The following PPP2R2C variants were observed in gnomAD, a reference collection of about 807,000 sequenced individuals.
PPP2R2C encodes the protein protein phosphatase 2, regulatory subunit B, gamma.
In PPP2R2C, 10 loss-of-function variants were observed where a neutral mutation model predicts 45.3. The observed-to-expected ratio is 0.22, with a 90% CI of 0.14 to 0.37. PPP2R2C has a LOEUF of 0.37. PPP2R2C is among the 10% of genes least tolerant of loss of function. The pLI, the probability that PPP2R2C is intolerant of heterozygous loss-of-function variation, is 1.00. For missense variants in PPP2R2C, 308 were observed against 619.7 expected, an observed-to-expected ratio of 0.50 and a Z score of 5.34; for synonymous variants, 257 against 245.4, an observed-to-expected ratio of 1.05 and a Z score of -0.44.
chr4:6,463,329 C>A (rs1721426168), intron 1 of PPP2R2C, among the ~76,000 whole-genome samples: 1 of 151,862 alleles, frequency 6.6e-6, no homozygotes, highest in South Asian at 2.1e-4. Context: ...CCAGGTCCAG[C>A]CTCCAGCAGC....
chr4:6,374,397 G>A (rs977921413), intron 4 of PPP2R2C, among the ~76,000 whole-genome samples: 7 of 152,310 alleles, frequency 4.6e-5, no homozygotes, highest in Non-Finnish European at 8.8e-5. Flanking sequence ...GAAGGTTTGG[G>A]GGTTTCATGA....
chr4:6,449,248 C>T (rs1035373491), intron 1 of PPP2R2C, among the ~76,000 whole-genome samples: 1 of 152,212 alleles, frequency 6.6e-6, no homozygotes, highest in Non-Finnish European at 1.5e-5. Context: ...CAAAACTAGA[C>T]ACAACCTGAT....
At chr4:6,353,063 A>G (rs1350927307) in intron 5 of PPP2R2C, among the ~76,000 whole-genome samples, 1 of 152,114 alleles carries the variant, frequency 6.6e-6, no homozygotes, top group Non-Finnish European at 1.5e-5. Flanking sequence ...GAACCTTCAG[A>G]GAGAGCACGG....
chr4:6,430,187 C>T (rs1719540220), intron 1 of PPP2R2C, among the ~76,000 whole-genome samples: 1 of 152,188 alleles, frequency 6.6e-6, no homozygotes. Context: ...TGAAAGCAGC[C>T]AGGACTATGT....
intron 5 of PPP2R2C, among the ~76,000 whole-genome samples, chr4:6,367,711 T>G (rs1443265433): frequency 6.6e-6 from 1 of 152,186 alleles, no homozygotes; most frequent in Non-Finnish European, 1.5e-5. Context: ...AAGTAAGGCT[T>G]CTCTCTGTGG....
At chr4:6,355,171 G>A (rs146679159) in intron 5 of PPP2R2C, among the ~76,000 whole-genome samples, 45 of 152,126 alleles carry the variant, frequency 3.0e-4, no homozygotes, top group African/African-American at 1.0e-3. Context: ...TTCAGTGCCT[G>A]GCACACAGTA....
At chr4:6,436,639 G>A (rs1719911061) in intron 1 of PPP2R2C, among the ~76,000 whole-genome samples, 1 of 152,216 alleles carries the variant, frequency 6.6e-6, no homozygotes, top group Admixed American at 6.5e-5. Flanking sequence ...TGCTCCATAT[G>A]AGTCATTGAC....
rs144177449 is a variant in PPP2R2C at position 6,489,756 on chromosome 4, G to A, written c.49+45515C>T. Among the ~76,000 whole-genome samples the A allele has an allele frequency of 1.7e-4, 26 of 152,252 alleles. 1 individual carries two copies. In the East Asian group the frequency reaches 3.9e-3, roughly 23 times the overall value. On this transcript the variant is annotated intron_variant, in intron 2 of 9. Coordinates refer to the PPP2R2C transcript ENST00000506140. ...CAGTCCACTACTCAACAAGTGAGCC[G>A]AGTCTTGTGGGGATTGAGATTCACA... is the stretch of plus-strand genomic sequence containing the variant.
At chr4:6,327,288 C>T (rs1040825853) in intron 8 of PPP2R2C, among the ~76,000 whole-genome samples, 11 of 152,166 alleles carry the variant, frequency 7.2e-5, no homozygotes, top group Non-Finnish European at 1.5e-4. Context: ...GACAGTGAGG[C>T]GGGTGGGGGA....
chr4:6,416,272 G>C (rs535926653), intron 1 of PPP2R2C, among the ~76,000 whole-genome samples: 19 of 152,198 alleles, frequency 1.2e-4, no homozygotes, highest in Non-Finnish European at 2.2e-4. Flanking sequence ...ACGATGTGTG[G>C]TTTTCCCCAT....
At chr4:6,437,871 C>T (rs1719968297) in intron 1 of PPP2R2C, among the ~76,000 whole-genome samples, 1 of 151,064 alleles carries the variant, frequency 6.6e-6, no homozygotes, top group South Asian at 2.1e-4. Context: ...TTACGTGCAT[C>T]GGCTGCTGTC....
chr4:6,542,709 A>AAAAAACAAAAAG lies in PPP2R2C; in HGVS notation c.-58-7333_-58-7332insCTTTTTGTTTTT, dbSNP rs112182178. Reference sequence around the variant, plus strand: ...CAGAGCAAGACTCTGTCTCAAAAAAAAAAAAGAAAAAGAAAAAAAGATCAT... The same window carrying AAAAAACAAAAAG: ...CAGAGCAAGACTCTGTCTCAAAAAAAAAAAACAAAAAGAAAAAGAAAAAGAAAAAAAGATCAT... On this transcript the variant is annotated intron_variant, in intron 1 of 9. Coordinates refer to the PPP2R2C transcript ENST00000506140. 9.8e-3 allele frequency among the ~76,000 whole-genome samples: 1,250 copies of AAAAAACAAAAAG among 127,834 alleles called. 47 individuals carry two copies. The highest frequency in any genetic ancestry group is 0.034 in the African/African-American group (1,181 of 35,158). 83.9% of individuals were successfully genotyped at this position (127,834 alleles called of 152,430 possible). A position where few individuals can be genotyped will look rare whatever the true frequency, so the allele number is the denominator to read the frequency against.
At chr4:6,519,520 G>A (rs370389787) in intron 2 of PPP2R2C, among the ~76,000 whole-genome samples, 1 of 152,322 alleles carries the variant, frequency 6.6e-6, no homozygotes, top group South Asian at 2.1e-4. Context: ...AGGCCTCTGG[G>A]CCATGCTGCC....
At chr4:6,390,554 G>A (rs533985763) in intron 1 of PPP2R2C, among the ~76,000 whole-genome samples, 3 of 152,352 alleles carry the variant, frequency 2.0e-5, no homozygotes, top group East Asian at 1.9e-4. Flanking sequence ...GGCGGCGGGC[G>A]CATGGGAGGG....
chr4:6,430,922 C>T lies in PPP2R2C; in HGVS notation c.70+41238G>A, dbSNP rs1018775115. Among the ~76,000 whole-genome samples, 7 of 119,808 alleles carry T rather than the reference C, an allele frequency of 5.8e-5. No individual in the cohort carries two copies. The South Asian group carries it at 1.9e-3, about 33-fold the overall frequency. The allele number at this position is 119,808 out of a possible 152,430, so 78.6% of individuals were successfully genotyped here. ...CCTGGGCGACAGAGCAAGACTCTGT[C>T]TCAAAAAAACAACAACAACAACAAA... On this transcript the variant is annotated intron_variant, in intron 1 of 8. Transcript: ENST00000382599.
At chr4:6,438,713 T>G (rs1390922113) in intron 1 of PPP2R2C, among the ~76,000 whole-genome samples, 1 of 152,198 alleles carries the variant, frequency 6.6e-6, no homozygotes, top group Non-Finnish European at 1.5e-5. Context: ...TGTCATTTGT[T>G]TGGGATTTTG....
intron 1 of PPP2R2C, among the ~76,000 whole-genome samples, chr4:6,454,124 T>C (rs1720886657): frequency 6.6e-6 from 1 of 152,124 alleles, no homozygotes; most frequent in South Asian, 2.1e-4. Flanking sequence ...CAAGAGGGTG[T>C]TGCTCAGGAG....
intron 1 of PPP2R2C, among the ~76,000 whole-genome samples, chr4:6,426,615 C>G (rs1719348373): frequency 6.6e-6 from 1 of 152,212 alleles, no homozygotes; most frequent in Non-Finnish European, 1.5e-5. Context: ...ATATGCCCAC[C>G]TTATTCCTCA....
At chr4:6,391,739 G>A (rs1405601749) in intron 1 of PPP2R2C, among the ~76,000 whole-genome samples, 1 of 152,242 alleles carries the variant, frequency 6.6e-6, no homozygotes, top group Non-Finnish European at 1.5e-5. Flanking sequence ...CCTTGGGGGA[G>A]CGGCAGCAGG....
Sources: gnomAD v4.1 joint callset for allele counts (sites outside exome capture counted in the v4.1 genomes callset) on GRCh38, gnomAD v4.1.1 for gene constraint, MANE v1.5 for transcripts, NCBI Gene and HGNC (gene_info 2026-07-23, HGNC 2026-07-21) for gene names.